Variants in TEAD1 observed in about 807,000 individuals in gnomAD.
The protein encoded by TEAD1 is TEA domain transcription factor 1.
TEAD1 carries 9 observed loss-of-function variants against 54.9 expected under a neutral mutation model. That is an observed-to-expected ratio of 0.16 (90% CI 0.10 to 0.29). TEAD1 has a LOEUF of 0.29. TEAD1 is among the 10% of genes least tolerant of loss of function. The pLI is 1.00. For synonymous variants in TEAD1, 200 were observed against 187.8 expected (o/e 1.07, Z -0.53); for missense variants, 387 against 535.9 (o/e 0.72, Z 2.74).
chr11:12,675,025 C>T (rs572338753), intron 1 of TEAD1, among the ~76,000 whole-genome samples, 191 bp downstream of exon 1: 1 of 147,394 alleles, frequency 6.8e-6, no homozygotes, highest in Admixed American at 6.7e-5. Context: ...GGTGAGCGGC[C>T]GGGCGCCGCC....
chr11:12,904,666 A>T (rs1004013785), intron 10 of TEAD1, among the ~76,000 whole-genome samples: 2 of 152,224 alleles, frequency 1.3e-5, no homozygotes, highest in Non-Finnish European at 2.9e-5. Flanking sequence ...TAATTTTTTT[A>T]AAAAGATGTA....
chr11:12,766,337 A>C (rs1198264828), intron 3 of TEAD1, among the ~76,000 whole-genome samples: 1 of 152,218 alleles, frequency 6.6e-6, no homozygotes, highest in Non-Finnish European at 1.5e-5. Context: ...CAATTATATA[A>C]ATATTTTTAT....
chr11:12,695,809 AAGGC>A (rs1943568508), intron 2 of TEAD1, among the ~76,000 whole-genome samples: 1 of 152,170 alleles, frequency 6.6e-6, no homozygotes, highest in Non-Finnish European at 1.5e-5. Flanking sequence ...CCTGCCCCAG[AAGGC>A]TTGAGTTCTG....
rs143057356 is a variant in TEAD1 at position 12,890,401 on chromosome 11, C to G, written c.699+7276C>G. Reference sequence around the variant, plus strand: ...AAATTGTCTTCCACAAAATCAGTCTCTGGTGCCAAAAAGGGGACCGCTGCT... The same window carrying G: ...AAATTGTCTTCCACAAAATCAGTCTGTGGTGCCAAAAAGGGGACCGCTGCT... On this transcript the variant is annotated intron_variant, in intron 9 of 12. Coordinates refer to ENST00000527636, the MANE Select transcript of TEAD1 (RefSeq NM_021961.6). Among the ~76,000 whole-genome samples, 191 of 152,292 alleles carry G rather than the reference C, an allele frequency of 1.3e-3. No homozygotes were observed. In the Middle Eastern group the frequency reaches 0.014, roughly 11 times the overall value.
intron 3 of TEAD1, among the ~76,000 whole-genome samples, chr11:12,838,892 C>G (rs1946965134): frequency 6.6e-6 from 1 of 152,136 alleles, no homozygotes; most frequent in African/African-American, 2.4e-5. Context: ...AATTAGGAAG[C>G]TTGGATGAGA....
chr11:12,745,606 G>A (rs79277927), intron 2 of TEAD1, among the ~76,000 whole-genome samples: 23 of 135,270 alleles, frequency 1.7e-4, no homozygotes, highest in Non-Finnish European at 1.4e-4. Context: ...TTTTTTTTTG[G>A]ACTGTTTGCA....
chr11:12,757,159 T>C (rs192427194), intron 2 of TEAD1, among the ~76,000 whole-genome samples: 2 of 152,320 alleles, frequency 1.3e-5, no homozygotes, highest in Admixed American at 1.3e-4. Context: ...AGAAATCTTT[T>C]CTCTTAGTGC....
At chr11:12,873,132 C>G (rs574721931) in intron 5 of TEAD1, among the ~76,000 whole-genome samples, 2 of 152,180 alleles carry the variant, frequency 1.3e-5, no homozygotes, top group Non-Finnish European at 2.9e-5. Context: ...TGCATTGTCT[C>G]CCTCCACTGA....
intron 3 of TEAD1, among the ~76,000 whole-genome samples, chr11:12,821,045 C>T (rs1340643957): frequency 6.6e-6 from 1 of 152,176 alleles, no homozygotes; most frequent in African/African-American, 2.4e-5. Flanking sequence ...GTTCACCAGC[C>T]TGTCTGCCCT....
At chr11:12,768,360 G>A (rs1307290627) in intron 3 of TEAD1, among the ~76,000 whole-genome samples, 2 of 152,218 alleles carry the variant, frequency 1.3e-5, no homozygotes, top group South Asian at 2.1e-4. Context: ...TGTTTGAACT[G>A]TATCTAGCAT....
chr11:12,684,917 A>C (rs1407860637), intron 2 of TEAD1, among the ~76,000 whole-genome samples: 1 of 152,350 alleles, frequency 6.6e-6, no homozygotes, highest in East Asian at 1.9e-4. Flanking sequence ...TGTGAATTCC[A>C]GTGCCTAACT....
At chr11:12,823,922 C>G (rs897043302) in intron 3 of TEAD1, among the ~76,000 whole-genome samples, 3 of 152,090 alleles carry the variant, frequency 2.0e-5, no homozygotes, top group Non-Finnish European at 4.4e-5. Context: ...GTAGAATGTT[C>G]ACAAAGGCTC....
chr11:12,849,903 G>A (rs745476233), intron 3 of TEAD1, among the ~76,000 whole-genome samples: 5 of 152,220 alleles, frequency 3.3e-5, no homozygotes, highest in East Asian at 1.9e-4. Context: ...CACAATAAGT[G>A]CTCTGTTTAC....
intron 3 of TEAD1, among the ~76,000 whole-genome samples, chr11:12,783,336 C>T (rs1221973471): frequency 6.6e-6 from 1 of 151,956 alleles, no homozygotes; most frequent in East Asian, 1.9e-4. Flanking sequence ...TAGAGCCTAG[C>T]CCTCATGCTC....
chr11:12,831,979 G>GC (rs1239368221), intron 3 of TEAD1, among the ~76,000 whole-genome samples: 7 of 152,024 alleles, frequency 4.6e-5, no homozygotes, highest in Non-Finnish European at 1.0e-4. Context: ...TAGGAAAGCT[G>GC]CCCCCCGGCA....
At chr11:12,923,220 C>T (rs1011867225) in intron 10 of TEAD1, among the ~76,000 whole-genome samples, 1 of 152,128 alleles carries the variant, frequency 6.6e-6, no homozygotes, top group Non-Finnish European at 1.5e-5. Context: ...CAGGATATTT[C>T]ACCTCTCCAG....
intron 2 of TEAD1, among the ~76,000 whole-genome samples, chr11:12,716,268 ATCTGTCTTAGAACAGGTAGGTG>A (rs1463758235): frequency 1.3e-5 from 2 of 152,028 alleles, no homozygotes; most frequent in African/African-American, 2.4e-5. Context: ...ATCCAGCCTC[ATCTGTCTTAGAACAGGTAGGTG>A]TCTGCGAGGG....
intron 2 of TEAD1, among the ~76,000 whole-genome samples, chr11:12,756,108 T>C (rs2133914273): frequency 6.6e-6 from 1 of 152,354 alleles, no homozygotes; most frequent in Non-Finnish European, 1.5e-5. Context: ...AGGGTAATGC[T>C]AAGTCCTCTA....
chr11:12,785,374 A>G (rs1310911281), intron 3 of TEAD1, among the ~76,000 whole-genome samples: 1 of 152,176 alleles, frequency 6.6e-6, no homozygotes, highest in Non-Finnish European at 1.5e-5. Flanking sequence ...CTGCTCCTGC[A>G]TGGCTCTTTC....
Sources: gnomAD v4.1 joint callset for allele counts (sites outside exome capture counted in the v4.1 genomes callset) on GRCh38, gnomAD v4.1.1 for gene constraint, MANE v1.5 for transcripts, NCBI Gene and HGNC (gene_info 2026-07-23, HGNC 2026-07-21) for gene names.